The following PPARGC1A variants were observed in gnomAD, a reference collection of about 807,000 sequenced individuals.
The protein encoded by PPARGC1A is PPARG coactivator 1 alpha.
In PPARGC1A, 25 loss-of-function variants were observed where a neutral mutation model predicts 88.7. The ratio of observed to expected loss-of-function variants is 0.28; its 90% CI spans 0.21 to 0.39. The LOEUF is 0.39. Ranked by LOEUF, PPARGC1A falls within the 10% of genes least tolerant of loss-of-function variation. The probability of loss-of-function intolerance (pLI) is 1.00; values close to 1 mark genes in which losing one functional copy is unlikely to be tolerated. For missense variants in PPARGC1A, 880 were observed against 968.7 expected, an observed-to-expected ratio of 0.91 and a Z score of 1.22; for synonymous variants, 363 against 355.6, an observed-to-expected ratio of 1.02 and a Z score of -0.24.
At chr4:24,022,266 G>GT in the PPARGC1A span, among the ~76,000 whole-genome samples, 2,711 of 152,060 alleles carry the variant, frequency 0.018, 85 homozygotes, top group African/African-American at 0.062. Context: ...CTCCTTTGTT[G>GT]CTTTTTTTGT....
At chr4:23,982,187 T>G in the PPARGC1A span, among the ~76,000 whole-genome samples, 1 of 152,154 alleles carries the variant, frequency 6.6e-6, no homozygotes, top group Non-Finnish European at 1.5e-5. Flanking sequence ...AGAGACAGGT[T>G]TAGATACTAT....
chr4:24,447,543 C>T, the PPARGC1A span, among the ~76,000 whole-genome samples: 1 of 152,204 alleles, frequency 6.6e-6, no homozygotes, highest in Non-Finnish European at 1.5e-5. Flanking sequence ...AGAGCCCAGT[C>T]CCACTTCACA....
At chr4:23,902,897 A>T (rs574936181), upstream of PPARGC1A, among the ~76,000 whole-genome samples, 1 of 152,192 alleles carries the variant, frequency 6.6e-6, no homozygotes, top group South Asian at 2.1e-4. Context: ...ACTCAAATTA[A>T]TCTCAAGGCA....
chr4:24,247,247 G>T, the PPARGC1A span, among the ~76,000 whole-genome samples: 2 of 152,030 alleles, frequency 1.3e-5, no homozygotes, highest in Non-Finnish European at 2.9e-5. Context: ...AACCCCCTGA[G>T]GCTCTACAAA....
chr4:24,017,687 G>T, the PPARGC1A span, among the ~76,000 whole-genome samples: 3 of 152,056 alleles, frequency 2.0e-5, no homozygotes, highest in East Asian at 5.8e-4. Context: ...TGACAACAAG[G>T]ACATCATTAT....
chr4:24,083,399 C>A, the PPARGC1A span, among the ~76,000 whole-genome samples: 5 of 152,154 alleles, frequency 3.3e-5, no homozygotes, highest in African/African-American at 1.2e-4. Flanking sequence ...AGGACCTCTC[C>A]CCAGTGCCTG....
chr4:23,846,939 G>A (rs1728428824), intron 2 of PPARGC1A, among the ~76,000 whole-genome samples: 1 of 152,118 alleles, frequency 6.6e-6, no homozygotes, highest in South Asian at 2.1e-4. Context: ...TTCATACTGG[G>A]ATAAAGGTTT....
the PPARGC1A span, among the ~76,000 whole-genome samples, chr4:24,144,611 C>A: frequency 2.0e-5 from 3 of 152,014 alleles, no homozygotes; most frequent in African/African-American, 7.2e-5. Flanking sequence ...GGAAAGGAAA[C>A]CTGAGCTTGA....
At chr4:24,093,949 C>G in the PPARGC1A span, among the ~76,000 whole-genome samples, 7 of 152,022 alleles carry the variant, frequency 4.6e-5, no homozygotes, top group African/African-American at 1.4e-4. Flanking sequence ...AAGCCCACAG[C>G]AAGATAGCAT....
At chr4:23,931,805 A>T in the PPARGC1A span, among the ~76,000 whole-genome samples, 4 of 152,210 alleles carry the variant, frequency 2.6e-5, no homozygotes, top group Admixed American at 2.0e-4. Context: ...TCAGTAGCTC[A>T]TGGGAAGCCA....
chr4:24,047,334 T>C, the PPARGC1A span, among the ~76,000 whole-genome samples: 1 of 152,248 alleles, frequency 6.6e-6, no homozygotes, highest in African/African-American at 2.4e-5. Flanking sequence ...ATTAGGACCT[T>C]CAATCTCTTT....
At chr4:23,976,921 G>A in the PPARGC1A span, among the ~76,000 whole-genome samples, 10 of 151,776 alleles carry the variant, frequency 6.6e-5, no homozygotes, top group Admixed American at 2.6e-4. Flanking sequence ...AAGAACTTGC[G>A]GTTTCTCTGA....
chr4:24,099,141 G>T, the PPARGC1A span, among the ~76,000 whole-genome samples: 9,163 of 151,970 alleles, frequency 0.06, 810 homozygotes, highest in African/African-American at 0.19. Context: ...AAGACTATCT[G>T]AAGTCATAAG....
the PPARGC1A span, among the ~76,000 whole-genome samples, chr4:24,092,838 G>T: frequency 1.3e-5 from 2 of 152,174 alleles, no homozygotes; most frequent in African/African-American, 4.8e-5. Context: ...AATGTAAGAT[G>T]GTTTCAGGTC....
At chr4:23,980,218 A>T in the PPARGC1A span, among the ~76,000 whole-genome samples, 2 of 150,652 alleles carry the variant, frequency 1.3e-5, no homozygotes, top group Non-Finnish European at 3.0e-5. Flanking sequence ...AATGGAGGAT[A>T]CATGGCTTGG....
At chr4:24,101,933 G>A in the PPARGC1A span, among the ~76,000 whole-genome samples, 1 of 152,174 alleles carries the variant, frequency 6.6e-6, no homozygotes, top group Non-Finnish European at 1.5e-5. Flanking sequence ...ACTAACGATT[G>A]AGAGATGAGA....
chr4:23,957,028 T>C, the PPARGC1A span, among the ~76,000 whole-genome samples: 3 of 152,076 alleles, frequency 2.0e-5, no homozygotes, highest in African/African-American at 7.2e-5. Flanking sequence ...GGATTTTAAC[T>C]CAGGCACTCT....
intron 2 of PPARGC1A, among the ~76,000 whole-genome samples, chr4:23,850,004 GA>G: frequency 6.6e-6 from 1 of 152,006 alleles, no homozygotes; most frequent in Middle Eastern, 3.4e-3. Context: ...AGAAGAGAAA[GA>G]AAAGAAAAAA....
At chr4:23,802,375 G>C in intron 10 of PPARGC1A, 30 bp from the exon 11 acceptor site, 1 of 1,613,448 alleles carries the variant, frequency 6.2e-7, no homozygotes, top group East Asian at 2.2e-5. Context: ...GAGAGTTCTG[G>C]AGTGGGAAAA....
Sources: gnomAD v4.1 joint callset for allele counts (sites outside exome capture counted in the v4.1 genomes callset) on GRCh38, gnomAD v4.1.1 for gene constraint, MANE v1.5 for transcripts, NCBI Gene and HGNC (gene_info 2026-07-23, HGNC 2026-07-21) for gene names.